Variants in ARHGAP42 observed in about 807,000 individuals in gnomAD.
ARHGAP42 encodes the protein rho GTPase-activating protein 42.
Under a neutral mutation model 125.0 loss-of-function variants are expected in ARHGAP42, and 63 were observed. The ratio of observed to expected loss-of-function variants is 0.50; its 90% CI spans 0.41 to 0.62. ARHGAP42 has a LOEUF of 0.62. ARHGAP42 is among the 20% of genes least tolerant of loss of function. ARHGAP42 has a pLI of 0.00. For missense variants in ARHGAP42, 766 were observed against 1,024.2 expected (o/e 0.75, Z 3.44); for synonymous variants, 339 against 351.0 (o/e 0.97, Z 0.38).
chr11:100,742,804 T>C (rs1229187011), intron 1 of ARHGAP42, among the ~76,000 whole-genome samples: 1 of 152,182 alleles, frequency 6.6e-6, no homozygotes. Context: ...TATTGATCCT[T>C]TTATCATTAT....
At chr11:100,961,791 T>C in intron 15 of ARHGAP42, 23 bp downstream of exon 15, 1 of 1,532,834 alleles carries the variant, frequency 6.5e-7, no homozygotes, top group Non-Finnish European at 8.8e-7. Context: ...TAACTCCTGG[T>C]ACTCTGGATG....
intron 4 of ARHGAP42, among the ~76,000 whole-genome samples, chr11:100,902,779 G>C (rs1354077061): frequency 1.3e-5 from 2 of 152,150 alleles, no homozygotes; most frequent in African/African-American, 4.8e-5. Flanking sequence ...CTAGACAATG[G>C]ATGGAGTACT....
At chr11:100,760,383 A>G (rs954377035) in intron 1 of ARHGAP42, among the ~76,000 whole-genome samples, 5 of 152,166 alleles carry the variant, frequency 3.3e-5, no homozygotes, top group Non-Finnish European at 7.3e-5. Flanking sequence ...CCTAGAAGGT[A>G]ATAGCTTAGT....
intron 12 of ARHGAP42, among the ~76,000 whole-genome samples, chr11:100,952,324 A>T (rs554270818): frequency 2.2e-4 from 34 of 152,248 alleles, no homozygotes; most frequent in Admixed American, 1.3e-3. Flanking sequence ...AAGTCACCCT[A>T]ATTAGACTGA....
At chr11:100,933,563 G>T (rs976659488) in intron 7 of ARHGAP42, among the ~76,000 whole-genome samples, 4 of 152,088 alleles carry the variant, frequency 2.6e-5, no homozygotes, top group Non-Finnish European at 5.9e-5. Flanking sequence ...ACACTGTATT[G>T]AATACTTGAA....
At chr11:100,814,038 A>G (rs1864208086) in intron 3 of ARHGAP42, among the ~76,000 whole-genome samples, 1 of 152,042 alleles carries the variant, frequency 6.6e-6, no homozygotes, top group African/African-American at 2.4e-5. Flanking sequence ...TAAAAATACA[A>G]AAAAATTAGC....
intron 19 of ARHGAP42, among the ~76,000 whole-genome samples, chr11:100,975,132 A>T (rs545696591): frequency 6.6e-6 from 1 of 152,272 alleles, no homozygotes; most frequent in East Asian, 1.9e-4. Context: ...ATTTTATTTT[A>T]TACCCCCCAC....
intron 1 of ARHGAP42, among the ~76,000 whole-genome samples, chr11:100,707,568 A>G (rs1425454759): frequency 6.6e-6 from 1 of 152,226 alleles, no homozygotes; most frequent in Non-Finnish European, 1.5e-5. Flanking sequence ...CAATGTTTAC[A>G]TAAGTGCAAA....
chr11:100,861,893 T>A (rs1865453674), intron 4 of ARHGAP42, among the ~76,000 whole-genome samples: 1 of 152,040 alleles, frequency 6.6e-6, no homozygotes, highest in Non-Finnish European at 1.5e-5. Context: ...GTAGATTAGA[T>A]CCCTTTGAGA....
chr11:100,701,333 C>T (rs1419931789), intron 1 of ARHGAP42, among the ~76,000 whole-genome samples: 2 of 152,142 alleles, frequency 1.3e-5, no homozygotes, highest in African/African-American at 4.8e-5. Context: ...TTAGTGTCAC[C>T]AGCTGCTTTG....
chr11:100,690,209 A>G (rs1230347419), intron 1 of ARHGAP42, among the ~76,000 whole-genome samples: 1 of 152,064 alleles, frequency 6.6e-6, no homozygotes, highest in Non-Finnish European at 1.5e-5. Context: ...CTTTATATAG[A>G]CTATTTCAAT....
intron 2 of ARHGAP42, among the ~76,000 whole-genome samples, chr11:100,787,738 G>A (rs548703944): frequency 6.6e-6 from 1 of 152,180 alleles, no homozygotes; most frequent in Non-Finnish European, 1.5e-5. Context: ...GAATTTAAAA[G>A]GAGGCTAGAC....
At chr11:100,694,943 A>G (rs1861249771) in intron 1 of ARHGAP42, among the ~76,000 whole-genome samples, 2 of 152,274 alleles carry the variant, frequency 1.3e-5, no homozygotes. Context: ...AGGCAGGAGA[A>G]TAGCTTGAAC....
intron 9 of ARHGAP42, among the ~76,000 whole-genome samples, chr11:100,943,353 C>T (rs571980493): frequency 6.6e-6 from 1 of 151,958 alleles, no homozygotes; most frequent in East Asian, 1.9e-4. Context: ...TCTTTGCAAT[C>T]CAGGGAGTTT....
intron 1 of ARHGAP42, among the ~76,000 whole-genome samples, chr11:100,707,453 C>G (rs1341200216): frequency 6.6e-6 from 1 of 152,128 alleles, no homozygotes; most frequent in Non-Finnish European, 1.5e-5. Context: ...CTGGTGACAA[C>G]AGAATGACTT....
At chr11:100,797,247 G>A (rs573850232) in intron 3 of ARHGAP42, among the ~76,000 whole-genome samples, 2 of 152,310 alleles carry the variant, frequency 1.3e-5, no homozygotes, top group South Asian at 4.1e-4. Flanking sequence ...CAAAAGATCT[G>A]GCTGAGATCG....
At position 100,973,342 on chromosome 11, in the gene ARHGAP42, GA is replaced by G; in HGVS notation, c.1710+10del. 1 of 1,547,352 alleles carries G rather than the reference GA, an allele frequency of 6.5e-7. No individual in the cohort carries two copies. Among genetic ancestry groups the G allele is most frequent in the Non-Finnish European group, 8.7e-7 (1 of 1,145,714 alleles). ...ATAGAGCACTATGAAAAGGTAGGCGGAATTTTCATGTGGAAGTGTCAAGTTT... is the reference window on the plus strand; with the variant it reads ...ATAGAGCACTATGAAAAGGTAGGCGGATTTTCATGTGGAAGTGTCAAGTTT... On this transcript the variant is annotated intron_variant, in intron 18 of 23. Coordinates refer to ENST00000298815, the MANE Select transcript of ARHGAP42 (RefSeq NM_152432.4).
intron 17 of ARHGAP42, among the ~76,000 whole-genome samples, chr11:100,968,374 A>C (rs997234636): frequency 6.6e-6 from 1 of 152,036 alleles, no homozygotes; most frequent in Admixed American, 6.6e-5. Flanking sequence ...TTTGCTATTC[A>C]GTTCCAATTT....
chr11:100,871,160 C>G, intron 4 of ARHGAP42, among the ~76,000 whole-genome samples: 1 of 152,106 alleles, frequency 6.6e-6, no homozygotes, highest in African/African-American at 2.4e-5. Context: ...TGGAAACCCT[C>G]TAAAGACTAT....
Sources: allele counts gnomAD v4.1 joint callset (sites outside exome capture counted in the v4.1 genomes callset), GRCh38; gene constraint gnomAD v4.1.1; transcripts MANE v1.5; gene names NCBI Gene and HGNC (gene_info 2026-07-23, HGNC 2026-07-21).